The following CDK8 variants were observed in gnomAD, a reference collection of about 807,000 sequenced individuals.
CDK8 encodes the protein cyclin dependent kinase 8.
A neutral mutation model predicts 71.5 loss-of-function variants in CDK8; 29 were observed. That is an observed-to-expected ratio of 0.41 (90% CI 0.30 to 0.55). CDK8 has a LOEUF of 0.55. Among genes scored for constraint, CDK8 ranks in the 20% least tolerant of loss-of-function variants. The pLI, the probability that CDK8 is intolerant of heterozygous loss-of-function variation, is 0.37. For synonymous variants in CDK8, 161 were observed against 192.1 expected (o/e 0.84, Z 1.34); for missense variants, 288 against 572.6 (o/e 0.50, Z 5.07).
intron 1 of CDK8, among the ~76,000 whole-genome samples, chr13:26,309,107 C>G (rs1874169683): frequency 6.6e-6 from 1 of 151,808 alleles, no homozygotes; most frequent in Admixed American, 6.6e-5. Flanking sequence ...CTGTCATTAT[C>G]ATCATCATTA....
chr13:26,337,354 A>C (rs1426330158), intron 1 of CDK8, among the ~76,000 whole-genome samples: 1 of 152,180 alleles, frequency 6.6e-6, no homozygotes, highest in Non-Finnish European at 1.5e-5. Context: ...ACCTTGGAAA[A>C]GTCTTTTTAT....
chr13:26,337,504 A>G, intron 1 of CDK8, 63 bp from the exon 2 acceptor site: 1 of 599,676 alleles, frequency 1.7e-6, no homozygotes, highest in Admixed American at 3.2e-5. Flanking sequence ...TTTATATTTT[A>G]CTTTATAAAA....
chr13:26,261,919 C>T (rs1244455278), intron 1 of CDK8, among the ~76,000 whole-genome samples: 3 of 152,182 alleles, frequency 2.0e-5, no homozygotes, highest in Non-Finnish European at 2.9e-5. Context: ...GTGTACAAGA[C>T]CTGACTAGTC....
intron 1 of CDK8, among the ~76,000 whole-genome samples, chr13:26,282,853 A>G (rs1872816724): frequency 9.1e-6 from 1 of 110,242 alleles, no homozygotes; most frequent in Non-Finnish European, 2.0e-5. Flanking sequence ...CATAAACTTA[A>G]GGTAAAAGGG....
intron 1 of CDK8, among the ~76,000 whole-genome samples, chr13:26,336,632 C>T (rs929497363): frequency 6.7e-6 from 1 of 149,180 alleles, no homozygotes; most frequent in African/African-American, 2.5e-5. Flanking sequence ...CGGCTCACTG[C>T]AAGCTCCACC....
At position 26,353,935 on chromosome 13, in the gene CDK8, T is replaced by C. The variant is rs937036132; in HGVS notation, c.456+55T>C. 52 of 1,499,522 alleles carry C rather than the reference T, an allele frequency of 3.5e-5. No homozygotes were observed. The African/African-American group carries it at 6.5e-4, about 19-fold the overall frequency. The allele number at this position is 1,499,522 out of a possible 1,614,324, so 92.9% of individuals were successfully genotyped here. ...GAAAGATGCATTACAGTTGGATACT[T>C]TTCTAGTCGTCTGTAGATACCAGTG... is the stretch of plus-strand genomic sequence containing the variant. On this transcript the variant is annotated intron_variant, in intron 4 of 12. Transcript: ENST00000381527.
chr13:26,267,396 A>T (rs1220647337), intron 1 of CDK8, among the ~76,000 whole-genome samples: 2 of 152,226 alleles, frequency 1.3e-5, no homozygotes, highest in Non-Finnish European at 2.9e-5. Context: ...TGTACATAAG[A>T]GTACCCAGGA....
At chr13:26,281,478 A>C (rs1411199616) in intron 1 of CDK8, among the ~76,000 whole-genome samples, 1 of 151,910 alleles carries the variant, frequency 6.6e-6, no homozygotes, top group African/African-American at 2.4e-5. Context: ...AAAGAATCTG[A>C]ACAACAGCCC....
At chr13:26,378,653 C>T (rs1230072423) in intron 4 of CDK8, among the ~76,000 whole-genome samples, 2 of 152,144 alleles carry the variant, frequency 1.3e-5, no homozygotes, top group African/African-American at 4.8e-5. Context: ...GCAACAAATA[C>T]AGTTTAATGG....
intron 4 of CDK8, among the ~76,000 whole-genome samples, chr13:26,371,585 C>T (rs1874686804): frequency 6.6e-6 from 1 of 152,032 alleles, no homozygotes; most frequent in African/African-American, 2.4e-5. Flanking sequence ...TTCAGTTTGC[C>T]AATTGTACAA....
intron 1 of CDK8, among the ~76,000 whole-genome samples, chr13:26,297,314 A>G (rs1325432043): frequency 6.2e-5 from 4 of 64,286 alleles, no homozygotes; most frequent in Admixed American, 5.0e-4. Context: ...CTTTAAAGTA[A>G]TATAACTAAA....
intron 9 of CDK8, among the ~76,000 whole-genome samples, chr13:26,397,961 A>G (rs1876073218): frequency 6.6e-6 from 1 of 152,134 alleles, no homozygotes; most frequent in Admixed American, 6.5e-5. Context: ...AATTCTTTTA[A>G]TCCTTATTCC....
At chr13:26,379,515 T>C (rs1398183935) in intron 4 of CDK8, among the ~76,000 whole-genome samples, 5 of 152,256 alleles carry the variant, frequency 3.3e-5, no homozygotes, top group Non-Finnish European at 5.9e-5. Context: ...ATTTTCCCCT[T>C]CTTCAAGTGC....
chr13:26,353,647 C>T, intron 3 of CDK8, 93 bp from the exon 4 acceptor site: 1 of 974,448 alleles, frequency 1.0e-6, no homozygotes, highest in South Asian at 1.6e-5. Context: ...ATGGGAATCC[C>T]TGAGTGTTTC....
chr13:26,355,643 T>A (rs1039195300), intron 4 of CDK8, among the ~76,000 whole-genome samples: 1 of 152,000 alleles, frequency 6.6e-6, no homozygotes, highest in African/African-American at 2.4e-5. Context: ...AAAAATAGAT[T>A]TACATAACAG....
chr13:26,289,035 A>C (rs907251732), intron 1 of CDK8, among the ~76,000 whole-genome samples: 1 of 140,606 alleles, frequency 7.1e-6, no homozygotes, highest in African/African-American at 2.7e-5. Context: ...TGCTGCATCC[A>C]GACTAAGCTT....
In CDK8 at chr13:26,401,718, G is replaced by T; in HGVS notation, c.1269+94G>T. The stretch of plus-strand genomic sequence containing the variant: ...TGTGATTTAATTGAGAAATACTGAC[G>T]TCTGTATACCCAGGGAAATACATTA... On this transcript the variant is annotated intron_variant, in intron 12 of 12. Coordinates refer to ENST00000381527, the MANE Select transcript of CDK8 (RefSeq NM_001260.3). The surrounding 1 kb of genome is among the most constrained non-coding windows in gnomAD (Gnocchi z 4.5). 1 of 1,254,064 alleles carries T rather than the reference G, an allele frequency of 8.0e-7. No homozygotes were observed. The highest frequency in any genetic ancestry group is 1.8e-5 in the Admixed American group (1 of 56,964). The allele number at this position is 1,254,064 out of a possible 1,614,324, so 77.7% of individuals were successfully genotyped here.
At chr13:26,301,499 T>G (rs1873822194) in intron 1 of CDK8, among the ~76,000 whole-genome samples, 1 of 152,266 alleles carries the variant, frequency 6.6e-6, no homozygotes, top group Admixed American at 6.5e-5. Context: ...AGGGTGAGAC[T>G]TAAGAGTGGT....
intron 1 of CDK8, among the ~76,000 whole-genome samples, chr13:26,256,718 G>A (rs750731257): frequency 4.6e-5 from 7 of 152,124 alleles, no homozygotes; most frequent in Non-Finnish European, 7.4e-5. Context: ...AAGGTATAAT[G>A]TATGGACATT....
Sources: allele counts gnomAD v4.1 joint callset (sites outside exome capture counted in the v4.1 genomes callset), GRCh38; gene constraint gnomAD v4.1.1; non-coding constraint Gnocchi (gnomAD v3.1); transcripts MANE v1.5; gene names NCBI Gene and HGNC (gene_info 2026-07-23, HGNC 2026-07-21).